Variants in CD46 observed in about 807,000 individuals in gnomAD.
The protein encoded by CD46 is membrane cofactor protein.
A neutral mutation model predicts 53.3 loss-of-function variants in CD46; 30 were observed. That is an observed-to-expected ratio of 0.56 (90% confidence interval 0.42 to 0.76). CD46 has a LOEUF of 0.76. CD46 is among the 30% of genes least tolerant of loss of function. The probability of loss-of-function intolerance (pLI) is 0.00; values close to 1 mark genes in which losing one functional copy is unlikely to be tolerated. For synonymous variants in CD46, 142 were observed against 152.0 expected (o/e 0.93, Z 0.48); for missense variants, 409 against 463.0 (o/e 0.88, Z 1.07).
At chr1:207,780,470 T>G (rs1471520827) in intron 8 of CD46, among the ~76,000 whole-genome samples, 2 of 152,206 alleles carry the variant, frequency 1.3e-5, no homozygotes, top group East Asian at 1.9e-4. Flanking sequence ...TGGGTTGGTT[T>G]GTTTTTACCT....
intron 8 of CD46, among the ~76,000 whole-genome samples, chr1:207,782,949 G>A (rs930245795): frequency 7.3e-5 from 11 of 151,600 alleles, no homozygotes; most frequent in Non-Finnish European, 1.3e-4. Flanking sequence ...CACTGTGCCC[G>A]GCTAATCCCT....
chr1:207,782,987 A>T (rs779931351), intron 8 of CD46, among the ~76,000 whole-genome samples: 4 of 151,976 alleles, frequency 2.6e-5, no homozygotes, highest in Non-Finnish European at 4.4e-5. Context: ...TTAGAATCAC[A>T]TTGGATTTAT....
chr1:207,785,776 T>A, intron 11 of CD46, 94 bp downstream of exon 11: 1 of 618,068 alleles, frequency 1.6e-6, no homozygotes, highest in Non-Finnish European at 2.7e-6. Context: ...TTGCATGCTA[T>A]CTTTTTTTTT....
At chr1:207,785,266 C>A (rs763269470) in intron 10 of CD46, among the ~76,000 whole-genome samples, 160 bp downstream of exon 10, 1 of 152,144 alleles carries the variant, frequency 6.6e-6, no homozygotes, top group Non-Finnish European at 1.5e-5. Flanking sequence ...TAACTACCTA[C>A]CTTGTGTTAG....
rs139762250 is a variant in CD46 at position 207,783,324 on chromosome 1, A to G, written c.976A>G (p.Ser326Gly). Residue 326 changes from serine (S) to glycine (G), a missense_variant, in exon 9 of 13, where the codon AGT (serine) becomes GGT (glycine). By Grantham distance (56) the Ser-to-Gly change is moderately conservative. Transcript: ENST00000367042. ...YPKPEEGILDSLDVWVIAVIV... is the reference protein window; with the variant it reads ...YPKPEEGILDGLDVWVIAVIV... ...TAAACCTGAGGAAGGAATACTTGAC[A>G]GTTTGGGTTGGTATAGCTATCATGA... The G allele has an allele frequency of 9.1e-6, 14 of 1,542,902 alleles. No individual in the cohort carries two copies. The African/African-American group carries it at 1.4e-4, about 15-fold the overall frequency.
intron 7 of CD46, chr1:207,768,052 G>A (rs1215358181): frequency 5.9e-6 from 3 of 505,628 alleles, no homozygotes; most frequent in Non-Finnish European, 1.1e-5. Flanking sequence ...TTTTGAATGT[G>A]TTTATATATA....
At chr1:207,784,752 A>C (rs1377595554) in intron 9 of CD46, among the ~76,000 whole-genome samples, 1 of 152,200 alleles carries the variant, frequency 6.6e-6, no homozygotes, top group African/African-American at 2.4e-5. Flanking sequence ...GAGGAAGGGG[A>C]AGCAAACACA....
chr1:207,766,023 A>G (rs1656806047), intron 5 of CD46, among the ~76,000 whole-genome samples: 2 of 152,342 alleles, frequency 1.3e-5, no homozygotes, highest in African/African-American at 4.8e-5. Flanking sequence ...TGAAAGCATC[A>G]TGCTTAGTGA....
chr1:207,786,821 A>G (rs986170288), intron 11 of CD46, among the ~76,000 whole-genome samples: 2 of 152,200 alleles, frequency 1.3e-5, no homozygotes, highest in Non-Finnish European at 2.9e-5. Flanking sequence ...CGATATGCAT[A>G]TTTGATTTAT....
In CD46 at chr1:207,757,785, A is replaced by G. The variant is rs1454819853; in HGVS notation, c.389+143A>G. On this transcript the variant is annotated intron_variant, in intron 3 of 12. Coordinates refer to ENST00000367042, the MANE Select transcript of CD46 (RefSeq NM_172351.3). ...TAGCCAAACAACTCTTGGATGTTTTATGGAGATAGGCAAGATATATAGTAA... is the reference window on the plus strand; with the variant it reads ...TAGCCAAACAACTCTTGGATGTTTTGTGGAGATAGGCAAGATATATAGTAA... 16 of 681,964 alleles carry G rather than the reference A, an allele frequency of 2.3e-5. No homozygotes were observed. In the Admixed American group the frequency reaches 2.5e-4, roughly 11 times the overall value. The allele number at this position is 681,964 out of a possible 1,614,324, so 42.2% of individuals were successfully genotyped here. A position where few individuals can be genotyped will look rare whatever the true frequency, so the allele number is the denominator to read the frequency against.
chr1:207,757,417 T>C, intron 2 of CD46, 123 bp from the exon 3 acceptor site: 1 of 791,340 alleles, frequency 1.3e-6, no homozygotes, highest in Non-Finnish European at 2.1e-6. Context: ...AAGTTTGCCC[T>C]TATAATAAGT....
At chr1:207,768,130 T>G in intron 7 of CD46, 1 of 320,654 alleles carries the variant, frequency 3.1e-6, no homozygotes, top group Non-Finnish European at 5.9e-6. Context: ...AAGGTATAAG[T>G]GGGATGCATT....
intron 8 of CD46, among the ~76,000 whole-genome samples, chr1:207,773,728 T>C (rs2102629369): frequency 6.7e-6 from 1 of 148,762 alleles, no homozygotes; most frequent in East Asian, 2.0e-4. Context: ...TTAATCCTGA[T>C]TTGCACTGTG....
intron 12 of CD46, among the ~76,000 whole-genome samples, chr1:207,790,693 G>C (rs1325943183): frequency 6.6e-6 from 1 of 152,148 alleles, no homozygotes; most frequent in Non-Finnish European, 1.5e-5. Context: ...TTAAGTGCAA[G>C]GAGGAAAAAT....
chr1:207,776,375 C>A (rs144622278), intron 8 of CD46, among the ~76,000 whole-genome samples: 1 of 152,220 alleles, frequency 6.6e-6, no homozygotes, highest in Admixed American at 6.5e-5. Context: ...CACTGTCCAG[C>A]CAGTCCCAGT....
At chr1:207,758,349 A>C (rs745428371) in intron 3 of CD46, among the ~76,000 whole-genome samples, 3 of 152,190 alleles carry the variant, frequency 2.0e-5, no homozygotes, top group Non-Finnish European at 2.9e-5. Flanking sequence ...AGGGGATGGC[A>C]GTAGTGTCTG....
At chr1:207,763,169 G>C (rs1295914776) in intron 5 of CD46, 1 of 152,606 alleles carries the variant, frequency 6.6e-6, no homozygotes, top group Non-Finnish European at 1.5e-5. Context: ...TCAGAGGCTT[G>C]GGCCTGCTGC....
chr1:207,757,789 A>C (rs79778296), intron 3 of CD46, 147 bp downstream of exon 3: 2 of 667,678 alleles, frequency 3.0e-6, no homozygotes, highest in East Asian at 5.6e-5. Context: ...TGTTTTATGG[A>C]GATAGGCAAG....
At chr1:207,793,473 TTAATTA>T in intron 12 of CD46, 40 bp from the exon 13 acceptor site, 2 of 1,421,512 alleles carry the variant, frequency 1.4e-6, no homozygotes, top group East Asian at 2.3e-5. Flanking sequence ...ATTTCTGTAC[TTAATTA>T]TATTTATCTT....
Sources: gnomAD v4.1 joint callset for allele counts (sites outside exome capture counted in the v4.1 genomes callset) on GRCh38, gnomAD v4.1.1 for gene constraint, MANE v1.5 for transcripts, NCBI Gene and HGNC (gene_info 2026-07-23, HGNC 2026-07-21) for gene names.